Variants in DHX9 observed in about 807,000 individuals in gnomAD.
DHX9 encodes the protein ATP-dependent RNA helicase A.
DHX9 carries 27 observed loss-of-function variants against 148.7 expected under a neutral mutation model. The observed-to-expected ratio is 0.18, with a 90% CI of 0.13 to 0.25. The LOEUF is 0.25. DHX9 is among the 10% of genes least tolerant of loss of function. The probability of loss-of-function intolerance (pLI) is 1.00; values close to 1 mark genes in which losing one functional copy is unlikely to be tolerated. For missense variants in DHX9, 796 were observed against 1,559.6 expected (o/e 0.51, Z 8.25); for synonymous variants, 529 against 516.6 (o/e 1.02, Z -0.33).
chr1:182,848,670 C>G (rs1360907110), intron 3 of DHX9, among the ~76,000 whole-genome samples: 2 of 152,146 alleles, frequency 1.3e-5, no homozygotes, highest in African/African-American at 4.8e-5. Context: ...TTAGTCCATT[C>G]TTGCATTGCT....
chr1:182,851,201 TCA>T (rs1668139479), intron 3 of DHX9, among the ~76,000 whole-genome samples: 1 of 152,146 alleles, frequency 6.6e-6, no homozygotes, highest in South Asian at 2.1e-4. Context: ...AGAAAAAAAT[TCA>T]CAATGTACTA....
Position 182,880,597 on chromosome 1 carries a change from G to C in DHX9, c.2613G>C (p.Gly871=), listed in dbSNP as rs763574124. Residue 871 remains glycine (G), a synonymous_variant, in exon 22 of 28, where the codon GGG becomes GGC. Transcript: ENST00000367549. ...GTTTTGGCAAAATGATGATAATGGG[G>C]TGTATTTTCTAGTAAGTGCTTTGTT... ...EPRFGKMMIM[G]CIFYVGDAIC... 5.6e-6 allele frequency: 9 copies of C among 1,609,094 alleles called. No individual in the cohort carries two copies. In the African/African-American group the frequency reaches 1.2e-4, roughly 22 times the overall value.
At chr1:182,848,590 G>A (rs6703470) in intron 3 of DHX9, among the ~76,000 whole-genome samples, 35,286 of 152,070 alleles carry the variant, frequency 0.23, 7,256 homozygotes, top group African/African-American at 0.55. Context: ...GGTTGACTGA[G>A]TAAATGAATG....
Position 182,858,655 on chromosome 1 carries a change from G to A in DHX9, c.900+15G>A. 2 of 1,609,338 alleles carry A rather than the reference G, an allele frequency of 1.2e-6. No individual in the cohort carries two copies. Among genetic ancestry groups the A allele is most frequent in the Non-Finnish European group, 1.7e-6 (2 of 1,176,622 alleles). On this transcript the variant is annotated intron_variant, in intron 9 of 27. Coordinates refer to ENST00000367549, the MANE Select transcript of DHX9 (RefSeq NM_001357.5). ...TTTTGCCCCCGGTAAGCATAAAGCTGTTTAGTTCACATTTACGTAGAACTC... is the reference window on the plus strand; with the variant it reads ...TTTTGCCCCCGGTAAGCATAAAGCTATTTAGTTCACATTTACGTAGAACTC...
Position 182,876,205 on chromosome 1 carries a change from G to A in DHX9, c.1971G>A (p.Leu657=). The A allele has an allele frequency of 3.7e-6, 6 of 1,613,854 alleles. No homozygotes were observed. Among genetic ancestry groups the A allele is most frequent in the Non-Finnish European group, 5.1e-6 (6 of 1,179,872 alleles). ...TTCCTGGAGCTGTGTTGGTTTTTTT[G>A]CCTGGCTGGAATCTGATTTATACTA... is the stretch of plus-strand genomic sequence containing the variant. ...LNVPGAVLVF[L]PGWNLIYTMQ... is the part of the protein sequence containing the mutation. Residue 657 remains leucine, a synonymous_variant, in exon 17 of 28, where the codon TTG becomes TTA. Coordinates refer to ENST00000367549, the MANE Select transcript of DHX9 (RefSeq NM_001357.5).
chr1:182,857,466 A>T (rs1454788926), intron 7 of DHX9, among the ~76,000 whole-genome samples: 1 of 152,240 alleles, frequency 6.6e-6, no homozygotes, highest in Non-Finnish European at 1.5e-5. Context: ...TTTTTATAAG[A>T]ACTGTTTTAT....
chr1:182,852,570 C>T lies in DHX9; in HGVS notation c.364+226C>T, dbSNP rs982300649. 2.0e-5 allele frequency among the ~76,000 whole-genome samples: 3 copies of T among 152,154 alleles called. No homozygotes were observed. The South Asian group carries it at 6.2e-4, about 31-fold the overall frequency. ...TGTCATTGGCTTTTACTACATTTTT[C>T]TCTGAATAAATAGGTTTTCCACAGG... On this transcript the variant is annotated intron_variant, in intron 4 of 27. Coordinates refer to ENST00000367549, the MANE Select transcript of DHX9 (RefSeq NM_001357.5).
chr1:182,881,117 A>G (rs900921493), intron 22 of DHX9, 147 bp from the exon 23 acceptor site: 11 of 721,158 alleles, frequency 1.5e-5, no homozygotes, highest in African/African-American at 7.2e-5. Flanking sequence ...GAGAGCAGCT[A>G]TAAAGTTCTT....
intron 12 of DHX9, among the ~76,000 whole-genome samples, chr1:182,860,934 G>T (rs896331075): frequency 6.6e-6 from 1 of 152,176 alleles, no homozygotes; most frequent in Non-Finnish European, 1.5e-5. Context: ...CTACCTCTGA[G>T]GTAGGCTTAC....
chr1:182,878,794 A>G (rs777630229), intron 20 of DHX9, among the ~76,000 whole-genome samples: 5 of 152,236 alleles, frequency 3.3e-5, no homozygotes, highest in Admixed American at 6.5e-5. Context: ...TCAGAAGTCA[A>G]AAAGTTTTGG....
At chr1:182,878,290 T>G in intron 20 of DHX9, 117 bp downstream of exon 20, 1 of 1,140,176 alleles carries the variant, frequency 8.8e-7, no homozygotes, top group Non-Finnish European at 1.2e-6. Context: ...CCAGCCATGT[T>G]GGAATCAGGT....
At chr1:182,856,742 A>G (rs1668257863) in intron 7 of DHX9, among the ~76,000 whole-genome samples, 164 bp downstream of exon 7, 1 of 152,250 alleles carries the variant, frequency 6.6e-6, no homozygotes, top group Non-Finnish European at 1.5e-5. Flanking sequence ...TATATAAATT[A>G]GAGGCAAAGT....
chr1:182,877,585 GT>G (rs1215545749), intron 19 of DHX9: 1 of 156,796 alleles, frequency 6.4e-6, no homozygotes, highest in Non-Finnish European at 1.4e-5. Flanking sequence ...GGAATCTGAG[GT>G]TACTTGGGGG....
In DHX9 at chr1:182,858,605, A is replaced by G; in HGVS notation, c.865A>G (p.Ile289Val). ...AGATTTAGAGCATCAGCTGCAAAAC[A>G]TCATTCAAGAGCTAAATCTTGAGAT... ...SQDLEHQLQN[I>V]IQELNLEILP... Residue 289 changes from isoleucine (I) to valine (V), a missense_variant, in exon 9 of 28, where the codon ATC (isoleucine) becomes GTC (valine). Transcript: ENST00000367549. The G allele has an allele frequency of 3.1e-6, 5 of 1,611,552 alleles. No homozygotes were observed. The highest frequency in any genetic ancestry group is 4.2e-6 in the Non-Finnish European group (5 of 1,178,110).
Position 182,887,455 on chromosome 1 carries a change from T to C in DHX9, c.*21T>C. ...ATTAAAACTTGGTTATGTCAGTTCC[T>C]GTGTGTAGACAGTAAGGAAAAAAAG... is the stretch of plus-strand genomic sequence containing the variant. On this transcript the variant is annotated 3_prime_UTR_variant, in exon 28 of 28. Coordinates refer to ENST00000367549, the MANE Select transcript of DHX9 (RefSeq NM_001357.5). 2 of 1,602,826 alleles carry C rather than the reference T, an allele frequency of 1.2e-6. No individual in the cohort carries two copies. The highest frequency in any genetic ancestry group is 1.7e-6 in the Non-Finnish European group (2 of 1,172,490).
chr1:182,864,692 T>C (rs567193317), intron 12 of DHX9, among the ~76,000 whole-genome samples: 1 of 152,354 alleles, frequency 6.6e-6, no homozygotes, highest in East Asian at 1.9e-4. Context: ...CATTTATTTC[T>C]TTGCTGTTGA....
chr1:182,866,192 T>C (rs1648288317), intron 12 of DHX9, among the ~76,000 whole-genome samples: 1 of 152,212 alleles, frequency 6.6e-6, no homozygotes. Flanking sequence ...TGTTTCCTAC[T>C]GGAAAATCAC....
At chr1:182,883,707 C>A in intron 26 of DHX9, 72 bp downstream of exon 26, 1 of 1,078,736 alleles carries the variant, frequency 9.3e-7, no homozygotes, top group South Asian at 1.4e-5. Context: ...AGCTGCTAAT[C>A]TAACTTAATT....
intron 20 of DHX9, among the ~76,000 whole-genome samples, chr1:182,879,039 A>T (rs528222334): frequency 4.2e-4 from 64 of 152,378 alleles, no homozygotes; most frequent in African/African-American, 1.5e-3. Context: ...AAAGGCTATC[A>T]AGCTGTGAGG....
Sources: allele counts gnomAD v4.1 joint callset (sites outside exome capture counted in the v4.1 genomes callset), GRCh38; gene constraint gnomAD v4.1.1; transcripts MANE v1.5; gene names NCBI Gene and HGNC (gene_info 2026-07-23, HGNC 2026-07-21).